The following SH3PXD2A variants were observed in gnomAD, a reference collection of about 807,000 sequenced individuals.
The protein encoded by SH3PXD2A is SH3 and PX domains 2A, also known as SH3 and PX domain-containing protein 2A.
In SH3PXD2A, 32 loss-of-function variants were observed where a neutral mutation model predicts 115.2. The observed-to-expected ratio is 0.28, with a 90% CI of 0.21 to 0.37. The LOEUF is 0.37. Ranked by LOEUF, SH3PXD2A falls within the 10% of genes least tolerant of loss-of-function variation. The pLI, the probability that SH3PXD2A is intolerant of heterozygous loss-of-function variation, is 1.00. For missense variants in SH3PXD2A, 1,328 were observed against 1,498.7 expected (o/e 0.89, Z 1.88); for synonymous variants, 610 against 629.1 (o/e 0.97, Z 0.45).
At chr10:103,819,195 G>A (rs1348635103) in intron 1 of SH3PXD2A, among the ~76,000 whole-genome samples, 1 of 152,248 alleles carries the variant, frequency 6.6e-6, no homozygotes, top group South Asian at 2.1e-4. Flanking sequence ...GTCCCAGGGA[G>A]CTCTGGTGTG....
intron 8 of SH3PXD2A, among the ~76,000 whole-genome samples, chr10:103,641,214 T>C (rs1305170001): frequency 6.6e-6 from 1 of 152,158 alleles, no homozygotes; most frequent in Non-Finnish European, 1.5e-5. Context: ...TTCAAACTTT[T>C]TGGAGCAAAT....
intron 6 of SH3PXD2A, among the ~76,000 whole-genome samples, chr10:103,672,209 C>T (rs999741704): frequency 7.2e-5 from 11 of 152,164 alleles, no homozygotes; most frequent in Non-Finnish European, 1.2e-4. Flanking sequence ...CGCTTTAACC[C>T]GGGAGGCAGA....
chr10:103,806,625 C>G (rs1328331258), intron 1 of SH3PXD2A, among the ~76,000 whole-genome samples: 1 of 152,232 alleles, frequency 6.6e-6, no homozygotes, highest in Non-Finnish European at 1.5e-5. Flanking sequence ...GCAGCTGGGT[C>G]TCAAGAAAAG....
At chr10:103,833,837 G>A (rs953087567) in intron 1 of SH3PXD2A, among the ~76,000 whole-genome samples, 1 of 152,210 alleles carries the variant, frequency 6.6e-6, no homozygotes, top group Non-Finnish European at 1.5e-5. Context: ...TGTTTTGAGG[G>A]AGGACAGCGT....
intron 1 of SH3PXD2A, among the ~76,000 whole-genome samples, chr10:103,821,004 C>A (rs539224854): frequency 6.6e-6 from 1 of 152,318 alleles, no homozygotes; most frequent in Admixed American, 6.5e-5. Flanking sequence ...TCTGACCCTG[C>A]ATTTCCTCGC....
intron 8 of SH3PXD2A, among the ~76,000 whole-genome samples, chr10:103,629,289 A>T (rs553363609): frequency 3.3e-5 from 5 of 152,342 alleles, no homozygotes; most frequent in African/African-American, 1.2e-4. Context: ...GGAACCCACT[A>T]GTTGGGGACT....
chr10:103,825,266 C>T (rs1416622319), intron 1 of SH3PXD2A, among the ~76,000 whole-genome samples: 1 of 151,560 alleles, frequency 6.6e-6, no homozygotes, highest in Non-Finnish European at 1.5e-5. Flanking sequence ...CCTCCTGCTG[C>T]CTACACTTGG....
intron 8 of SH3PXD2A, among the ~76,000 whole-genome samples, chr10:103,657,468 T>C (rs2037228535): frequency 6.6e-6 from 1 of 151,984 alleles, no homozygotes. Flanking sequence ...GGTAGAGGGG[T>C]TTCCAAAGAC....
intron 2 of SH3PXD2A, among the ~76,000 whole-genome samples, chr10:103,786,006 A>AATAGAGAAACTGAGGAAAGAGAG (rs2038977147): frequency 6.6e-6 from 1 of 151,950 alleles, no homozygotes; most frequent in Non-Finnish European, 1.5e-5. Flanking sequence ...GACAGAGAGA[A>AATAGAGAAACTGAGGAAAGAGAG]ATAGAGAAAC....
intron 1 of SH3PXD2A, among the ~76,000 whole-genome samples, chr10:103,835,233 T>C (rs1456124721): frequency 6.6e-6 from 1 of 152,218 alleles, no homozygotes; most frequent in Non-Finnish European, 1.5e-5. Flanking sequence ...AAATGCCCCA[T>C]GCAGACTTGC....
At chr10:103,836,067 A>G (rs940188296) in intron 1 of SH3PXD2A, among the ~76,000 whole-genome samples, 1 of 152,084 alleles carries the variant, frequency 6.6e-6, no homozygotes, top group African/African-American at 2.4e-5. Context: ...CAGGCCCCTT[A>G]TCTATAAAGG....
intron 2 of SH3PXD2A, among the ~76,000 whole-genome samples, chr10:103,788,094 C>G (rs995371215): frequency 2.0e-5 from 3 of 152,142 alleles, no homozygotes; most frequent in Admixed American, 6.5e-5. Context: ...CAGGGAGGAT[C>G]GGAGCCCCTT....
Position 103,602,431 on chromosome 10 carries a change from G to A in SH3PXD2A, c.2787C>T (p.Ile929=), listed in dbSNP as rs368480262. The A allele has an allele frequency of 4.3e-6, 7 of 1,614,176 alleles. No homozygotes were observed. Among genetic ancestry groups the A allele is most frequent in the South Asian group, 2.2e-5 (2 of 91,084 alleles). The change falls in exon 15 of 15, where the codon ATC becomes ATT. Residue 929 remains isoleucine (I), a synonymous_variant. Coordinates refer to ENST00000369774, the MANE Select transcript of SH3PXD2A (RefSeq NM_001394015.1). ...NEGKSDSLEK[I]ERRVQALNTV... is the part of the protein sequence containing the mutation. ...TGTTCAGTGCTTGGACGCGCCTCTC[G>A]ATCTTCTCCAGGCTGTCTGATTTGC...
At chr10:103,628,246 C>A in intron 8 of SH3PXD2A, among the ~76,000 whole-genome samples, 1 of 152,202 alleles carries the variant, frequency 6.6e-6, no homozygotes, top group East Asian at 1.9e-4. Context: ...GGACTTAGAA[C>A]CCCAGCTCAT....
rs368296859 is a variant in SH3PXD2A at position 103,843,768 on chromosome 10, C to T, written c.72+11427G>A. Among the ~76,000 whole-genome samples, 49 of 152,280 alleles carry T rather than the reference C, an allele frequency of 3.2e-4. No homozygotes were observed. In the South Asian group the frequency reaches 6.0e-3, roughly 19 times the overall value. On this transcript the variant is annotated intron_variant, in intron 1 of 14. Transcript: ENST00000369774. ...TAGGGAAGCTGTCAGATAAAGCCGT[C>T]GGGCTTTGTTCCTGAAGAGATCTGG...
chr10:103,736,702 C>A, intron 3 of SH3PXD2A: 1 of 1,116,396 alleles, frequency 9.0e-7, no homozygotes, highest in Non-Finnish European at 1.2e-6. Flanking sequence ...CCTAGGCTAT[C>A]TGCCACATTC....
intron 8 of SH3PXD2A, among the ~76,000 whole-genome samples, chr10:103,644,149 G>A (rs2036998897): frequency 7.2e-6 from 1 of 139,396 alleles, no homozygotes; most frequent in East Asian, 2.2e-4. Flanking sequence ...AGAATCTGCC[G>A]AACCTTGGTT....
At chr10:103,721,581 AC>A (rs2038182336) in intron 5 of SH3PXD2A, among the ~76,000 whole-genome samples, 1 of 152,206 alleles carries the variant, frequency 6.6e-6, no homozygotes, top group Non-Finnish European at 1.5e-5. Context: ...TGCTGCCTCC[AC>A]CATCAACGAT....
intron 8 of SH3PXD2A, among the ~76,000 whole-genome samples, chr10:103,651,151 AAAG>A (rs1346283093): frequency 1.3e-5 from 2 of 152,032 alleles, no homozygotes; most frequent in African/African-American, 2.4e-5. Flanking sequence ...TGCATAGTGG[AAAG>A]AAGAAGGCAC....
Sources: gnomAD v4.1 joint callset for allele counts (sites outside exome capture counted in the v4.1 genomes callset) on GRCh38, gnomAD v4.1.1 for gene constraint, MANE v1.5 for transcripts, NCBI Gene and HGNC (gene_info 2026-07-23, HGNC 2026-07-21) for gene names.